Variants in RBFOX1 observed in about 807,000 individuals in gnomAD.
The protein encoded by RBFOX1 is RNA binding fox-1 homolog 1.
RBFOX1 carries 8 observed loss-of-function variants against 57.7 expected under a neutral mutation model. The ratio of observed to expected loss-of-function variants is 0.14; its 90% CI spans 0.08 to 0.25. The LOEUF (loss-of-function observed/expected upper bound fraction) is 0.25, where lower values mean the gene tolerates loss of function less well. Among genes scored for constraint, RBFOX1 ranks in the 10% least tolerant of loss-of-function variants. The pLI is 1.00. For missense variants in RBFOX1, 611 were observed against 548.5 expected, an observed-to-expected ratio of 1.11 and a Z score of -1.14; for synonymous variants, 326 against 222.4, an observed-to-expected ratio of 1.47 and a Z score of -4.15.
intron 4 of RBFOX1, among the ~76,000 whole-genome samples, chr16:7,098,830 C>G (rs1273524081): frequency 1.3e-5 from 2 of 152,038 alleles, no homozygotes; most frequent in Non-Finnish European, 1.5e-5. Context: ...CGTGGTCTTT[C>G]TAGTGAGGCA....
chr16:7,148,166 C>A (rs1170670557), intron 4 of RBFOX1, among the ~76,000 whole-genome samples: 1 of 152,174 alleles, frequency 6.6e-6, no homozygotes, highest in South Asian at 2.1e-4. Context: ...AGGGCTAACT[C>A]AGAGGATTTA....
At chr16:7,012,313 A>G (rs2093690649) in intron 3 of RBFOX1, among the ~76,000 whole-genome samples, 1 of 152,192 alleles carries the variant, frequency 6.6e-6, no homozygotes, top group African/African-American at 2.4e-5. Flanking sequence ...GGCAGGTGAG[A>G]TCTCATAACT....
chr16:6,243,423 C>T (rs892249672), intron 1 of RBFOX1, among the ~76,000 whole-genome samples: 2 of 152,150 alleles, frequency 1.3e-5, no homozygotes, highest in East Asian at 1.9e-4. Flanking sequence ...AGTGCACTTA[C>T]AGTCATGGTG....
intron 3 of RBFOX1, among the ~76,000 whole-genome samples, chr16:5,730,267 C>A (rs1229773412): frequency 1.3e-5 from 2 of 152,150 alleles, no homozygotes. Flanking sequence ...AATGTCCATA[C>A]CTGATCCTTG....
intron 3 of RBFOX1, among the ~76,000 whole-genome samples, chr16:7,003,820 C>G (rs1192880323): frequency 6.6e-6 from 1 of 151,996 alleles, no homozygotes; most frequent in African/African-American, 2.4e-5. Context: ...ATTCCTTGTC[C>G]AGGTTCTACT....
intron 3 of RBFOX1, among the ~76,000 whole-genome samples, chr16:5,671,912 G>A (rs2050022920): frequency 6.6e-6 from 1 of 152,136 alleles, no homozygotes; most frequent in African/African-American, 2.4e-5. Context: ...TTAAATCAGA[G>A]CCATAGCTTT....
At chr16:6,989,525 C>T (rs1462875617) in intron 3 of RBFOX1, among the ~76,000 whole-genome samples, 3 of 152,062 alleles carry the variant, frequency 2.0e-5, no homozygotes, top group East Asian at 1.9e-4. Context: ...TTATTAGTTG[C>T]CTATCAATTT....
chr16:6,559,712 A>C (rs1025497997), intron 2 of RBFOX1, among the ~76,000 whole-genome samples: 1 of 152,114 alleles, frequency 6.6e-6, no homozygotes, highest in East Asian at 1.9e-4. Flanking sequence ...ATCCCTCTAT[A>C]ATCTGTGTGT....
At chr16:7,179,524 T>G (rs1017816463) in intron 4 of RBFOX1, among the ~76,000 whole-genome samples, 1 of 152,198 alleles carries the variant, frequency 6.6e-6, no homozygotes, top group African/African-American at 2.4e-5. Context: ...TTATGTTTGC[T>G]GTTAGACCTG....
chr16:6,042,496 G>A (rs760349828), intron 1 of RBFOX1, among the ~76,000 whole-genome samples: 28 of 151,978 alleles, frequency 1.8e-4, no homozygotes, highest in Non-Finnish European at 3.4e-4. Context: ...CTTAGCAACC[G>A]CAATCCATCT....
At chr16:6,451,310 G>A (rs776047497) in intron 2 of RBFOX1, among the ~76,000 whole-genome samples, 85 of 152,128 alleles carry the variant, frequency 5.6e-4, no homozygotes, top group Non-Finnish European at 9.3e-4. Flanking sequence ...ATCAACATTA[G>A]GAATAGTGGT....
intron 3 of RBFOX1, among the ~76,000 whole-genome samples, chr16:6,952,086 T>C (rs2080886516): frequency 6.6e-6 from 1 of 152,186 alleles, no homozygotes; most frequent in African/African-American, 2.4e-5. Flanking sequence ...ACCTTTATCT[T>C]TCTGAAAACG....
rs367930217 is a variant in RBFOX1 at position 5,510,924 on chromosome 16, A to G, written c.258+43670A>G. 4.6e-5 allele frequency among the ~76,000 whole-genome samples: 7 copies of G among 152,196 alleles called. No homozygotes were observed. The East Asian group carries it at 5.8e-4, about 13-fold the overall frequency. On this transcript the variant is annotated intron_variant, in intron 2 of 2. Coordinates refer to the RBFOX1 transcript ENST00000585867. ...CCCAGGTTGAGAACTACTGCTGTAA[A>G]GGGTTAGTAGTTATTATTATCTGAA...
At chr16:6,772,682 T>C (rs913000117) in intron 3 of RBFOX1, among the ~76,000 whole-genome samples, 1 of 150,126 alleles carries the variant, frequency 6.7e-6, no homozygotes, top group African/African-American at 2.5e-5. Flanking sequence ...AGTGCATTTG[T>C]GTGTGTATAT....
intron 4 of RBFOX1, among the ~76,000 whole-genome samples, chr16:7,424,390 G>T (rs553978065): frequency 6.6e-6 from 1 of 152,258 alleles, no homozygotes; most frequent in Non-Finnish European, 1.5e-5. Context: ...CTCCCGAGTA[G>T]CTGGGAATAC....
intron 1 of RBFOX1, among the ~76,000 whole-genome samples, chr16:5,452,074 C>G (rs796198286): frequency 2.0e-5 from 3 of 152,112 alleles, no homozygotes; most frequent in African/African-American, 7.2e-5. Flanking sequence ...CCCAAGCCCC[C>G]AAGTCTTAAT....
At chr16:5,570,086 A>C (rs1176264498) in intron 2 of RBFOX1, among the ~76,000 whole-genome samples, 1 of 152,244 alleles carries the variant, frequency 6.6e-6, no homozygotes, top group Non-Finnish European at 1.5e-5. Context: ...AAATACACAC[A>C]GTGTCACAGC....
At chr16:6,126,289 G>A (rs573122513) in intron 1 of RBFOX1, among the ~76,000 whole-genome samples, 1 of 152,346 alleles carries the variant, frequency 6.6e-6, no homozygotes, top group South Asian at 2.1e-4. Context: ...AACCTTCGCA[G>A]GCCGTTGGTG....
At chr16:7,187,549 C>T (rs965760581) in intron 4 of RBFOX1, among the ~76,000 whole-genome samples, 2 of 151,098 alleles carry the variant, frequency 1.3e-5, no homozygotes, top group African/African-American at 2.4e-5. Context: ...ATTAGCCAGG[C>T]GTGGTGGCGG....
Sources: allele counts gnomAD v4.1 joint callset (sites outside exome capture counted in the v4.1 genomes callset), GRCh38; gene constraint gnomAD v4.1.1; transcripts MANE v1.5; gene names NCBI Gene and HGNC (gene_info 2026-07-23, HGNC 2026-07-21).